Variants in XPO5 observed in about 807,000 individuals in gnomAD.
XPO5 encodes exportin 5.
XPO5 carries 46 observed loss-of-function variants against 160.6 expected under a neutral mutation model. The ratio of observed to expected loss-of-function variants is 0.29; its 90% CI spans 0.23 to 0.37. The LOEUF (loss-of-function observed/expected upper bound fraction) is 0.37. Ranked by LOEUF, XPO5 falls within the 10% of genes least tolerant of loss-of-function variation. XPO5 has a pLI of 1.00. For synonymous variants in XPO5, 537 were observed against 519.3 expected (o/e 1.03, Z -0.46); for missense variants, 1,090 against 1,463.9 (o/e 0.74, Z 4.17).
intron 14 of XPO5, among the ~76,000 whole-genome samples, chr6:43,552,082 T>G (rs767559854): frequency 3.3e-5 from 5 of 152,204 alleles, no homozygotes; most frequent in Non-Finnish European, 5.9e-5. Flanking sequence ...TCAGCTACTT[T>G]ATTTATATAT....
chr6:43,568,598 G>T, intron 6 of XPO5, 113 bp downstream of exon 6: 3 of 964,208 alleles, frequency 3.1e-6, no homozygotes, highest in Non-Finnish European at 3.0e-6. Context: ...AGTAAGACCT[G>T]TCTCCAAAAC....
intron 20 of XPO5, among the ~76,000 whole-genome samples, chr6:43,536,107 CA>C (rs570428008): frequency 9.3e-5 from 13 of 140,026 alleles, no homozygotes; most frequent in Non-Finnish European, 1.1e-4. Flanking sequence ...GACTCCCTCT[CA>C]AAAAAAAAAG....
In XPO5 at chr6:43,547,601, G is replaced by A; in HGVS notation, c.2160+7C>T. The stretch of plus-strand genomic sequence containing the variant: ...AATGCCACTTCCCATTCCCAGGAAA[G>A]TCTTACTCGTGCACGGTTTAAGCCA... On this transcript the variant is annotated splice_region_variant and intron_variant, in intron 19 of 31. Transcript: ENST00000265351. 1.2e-6 allele frequency: 2 copies of A among 1,613,812 alleles called. No individual in the cohort carries two copies. The highest frequency in any genetic ancestry group is 2.2e-5 in the East Asian group (1 of 44,884).
chr6:43,526,360 C>G (rs1582193235), intron 27 of XPO5: 1 of 415,424 alleles, frequency 2.4e-6, no homozygotes, highest in East Asian at 4.3e-5. Context: ...AAGAATAAAG[C>G]AGAGGAATAC....
At chr6:43,554,142 T>C (rs1761887346) in intron 13 of XPO5, among the ~76,000 whole-genome samples, 1 of 152,298 alleles carries the variant, frequency 6.6e-6, no homozygotes, top group South Asian at 2.1e-4. Flanking sequence ...GAGTCTCCTC[T>C]GTCACCCAGG....
At chr6:43,572,229 A>C (rs1763046444) in intron 3 of XPO5, among the ~76,000 whole-genome samples, 1 of 152,176 alleles carries the variant, frequency 6.6e-6, no homozygotes, top group Non-Finnish European at 1.5e-5. Context: ...GGCATGCGCC[A>C]CCACGCTCAG....
chr6:43,559,296 C>CA (rs535637151), intron 11 of XPO5, among the ~76,000 whole-genome samples: 29 of 149,908 alleles, frequency 1.9e-4, no homozygotes, highest in East Asian at 9.8e-4. Context: ...GACTCCGTCT[C>CA]AAAAAAAAAC....
intron 5 of XPO5, among the ~76,000 whole-genome samples, chr6:43,569,590 G>A (rs915631884): frequency 9.2e-5 from 14 of 151,986 alleles, no homozygotes; most frequent in East Asian, 3.9e-4. Context: ...AAAATTAGAC[G>A]GGCATGGTGG....
At chr6:43,540,092 C>T (rs539041531) in intron 20 of XPO5, among the ~76,000 whole-genome samples, 1 of 152,134 alleles carries the variant, frequency 6.6e-6, no homozygotes, top group Non-Finnish European at 1.5e-5. Flanking sequence ...CCTGTCTCTA[C>T]TGAAGATACA....
At chr6:43,556,376 G>C (rs1762089446) in intron 12 of XPO5, among the ~76,000 whole-genome samples, 1 of 151,898 alleles carries the variant, frequency 6.6e-6, no homozygotes, top group Non-Finnish European at 1.5e-5. Flanking sequence ...AATACAAAAA[G>C]TAGCCAGGTG....
chr6:43,558,620 G>C, intron 11 of XPO5, 29 bp from the exon 12 acceptor site: 1 of 1,510,066 alleles, frequency 6.6e-7, no homozygotes, highest in Non-Finnish European at 8.9e-7. Context: ...TTGGGGTAGG[G>C]GATGAAAGTG....
At position 43,526,722 on chromosome 6, in the gene XPO5, A is replaced by G. The variant is rs752004973; in HGVS notation, c.2946T>C (p.Gly982=). 1.1e-5 allele frequency: 18 copies of G among 1,613,794 alleles called. No homozygotes were observed. The highest frequency in any genetic ancestry group is 1.5e-5 in the Non-Finnish European group (18 of 1,179,866). ...LITVCCVSKK[G]ADHSSAPPAD... The stretch of plus-strand genomic sequence containing the variant: ...CTGGGGGAGCACTACTGTGGTCAGC[A>G]CCCTTCTTTGAAACACAGCAAACCG... Residue 982 remains glycine, a synonymous_variant, in exon 27 of 32, where the codon GGT becomes GGC. Coordinates refer to ENST00000265351, the MANE Select transcript of XPO5 (RefSeq NM_020750.3).
chr6:43,525,889 A>C lies in XPO5; in HGVS notation c.3016T>G (p.Ser1006Ala). The C allele has an allele frequency of 6.2e-7, 1 of 1,614,016 alleles. No individual in the cohort carries two copies. The highest frequency in any genetic ancestry group is 8.5e-7 in the Non-Finnish European group (1 of 1,179,888). Residue 1006 changes from serine (S) to alanine (A), a missense_variant, in exon 28 of 32, where the codon TCA becomes GCA. Transcript: ENST00000265351. ...EEMMATEVTP[S>A]AMAELTDLGK... ...AGGTCTGTAAGCTCTGCCATAGCTG[A>C]GGGGGTGACCTCTGTGGCCATCATT...
rs762469874 is a variant in XPO5 at position 43,549,566 on chromosome 6, G to A, written c.1783C>T (p.Arg595Trp). The change falls in exon 17 of 32, where the codon CGG becomes TGG. Residue 595 changes from arginine to tryptophan, a missense_variant. By Grantham distance (101) the Arg-to-Trp change is moderately radical. Transcript: ENST00000265351. ...TVEESKAPRTRAVRNVRRHAC... is the reference protein window; with the variant it reads ...TVEESKAPRTWAVRNVRRHAC... Reference sequence around the variant, plus strand: ...TGCCTCCTCACATTCCTCACTGCCCGGGTTCTGGGGGCCTGAAAAGAGACA... The same window carrying A: ...TGCCTCCTCACATTCCTCACTGCCCAGGTTCTGGGGGCCTGAAAAGAGACA... The A allele has an allele frequency of 3.7e-6, 6 of 1,612,932 alleles. No individual in the cohort carries two copies. The highest frequency in any genetic ancestry group is 4.2e-6 in the Non-Finnish European group (5 of 1,179,576).
intron 20 of XPO5, 53 bp from the exon 21 acceptor site, chr6:43,534,060 A>T: frequency 7.0e-7 from 1 of 1,422,944 alleles, no homozygotes; most frequent in Non-Finnish European, 9.7e-7. Flanking sequence ...AGAAGGAAAG[A>T]GTGGGTTTTG....
chr6:43,528,695 G>T, intron 24 of XPO5, 133 bp downstream of exon 24: 2 of 808,350 alleles, frequency 2.5e-6, no homozygotes, highest in Middle Eastern at 2.4e-4. Flanking sequence ...AGTCAGCTGG[G>T]GTAGAAGCTC....
intron 26 of XPO5, chr6:43,527,214 C>T: frequency 4.8e-6 from 1 of 206,274 alleles, no homozygotes. Flanking sequence ...CTTAGGTTGA[C>T]TTAAGGACTG....
At chr6:43,535,001 A>AC (rs112915894) in intron 20 of XPO5, among the ~76,000 whole-genome samples, 3,865 of 139,150 alleles carry the variant, frequency 0.028, 152 homozygotes, top group African/African-American at 0.095. Flanking sequence ...TCTCAAAAAA[A>AC]CCCCCCAAAG....
At chr6:43,540,615 T>TGCATGCCAGC (rs2127720227) in intron 20 of XPO5, among the ~76,000 whole-genome samples, 1 of 152,302 alleles carries the variant, frequency 6.6e-6, no homozygotes, top group African/African-American at 2.4e-5. Flanking sequence ...ATCATGCCTT[T>TGCATGCCAGC]GCATGCCAGC....
Sources: gnomAD v4.1 joint callset for allele counts (sites outside exome capture counted in the v4.1 genomes callset) on GRCh38, gnomAD v4.1.1 for gene constraint, MANE v1.5 for transcripts, NCBI Gene and HGNC (gene_info 2026-07-23, HGNC 2026-07-21) for gene names.